Variants in SLC30A8 observed in about 807,000 individuals in gnomAD.
The protein encoded by SLC30A8 is solute carrier family 30 member 8, also known as proton-coupled zinc antiporter SLC30A8.
A neutral mutation model predicts 36.9 loss-of-function variants in SLC30A8; 27 were observed. The ratio of observed to expected loss-of-function variants is 0.73; its 90% CI spans 0.54 to 1.01. The LOEUF (loss-of-function observed/expected upper bound fraction) is 1.01. SLC30A8 is among the 50% of genes least tolerant of loss of function. SLC30A8 has a pLI of 0.00. For synonymous variants in SLC30A8, 164 were observed against 172.4 expected, an observed-to-expected ratio of 0.95 and a Z score of 0.38; for missense variants, 439 against 452.0, an observed-to-expected ratio of 0.97 and a Z score of 0.26.
chr8:117,020,094 G>A (rs953302049), intron 1 of SLC30A8, among the ~76,000 whole-genome samples: 29 of 152,170 alleles, frequency 1.9e-4, no homozygotes. Flanking sequence ...TAGGAGGAGA[G>A]GACTCTGTTG....
chr8:117,110,903 G>A (rs1197717366), intron 2 of SLC30A8, among the ~76,000 whole-genome samples: 1 of 152,144 alleles, frequency 6.6e-6, no homozygotes, highest in Middle Eastern at 3.2e-3. Flanking sequence ...GTTAGAGGCC[G>A]TCGGGTGATT....
chr8:117,058,557 C>T (rs1817938039), intron 2 of SLC30A8, among the ~76,000 whole-genome samples: 1 of 152,150 alleles, frequency 6.6e-6, no homozygotes, highest in Non-Finnish European at 1.5e-5. Flanking sequence ...TGGATGCTCA[C>T]ATTTCAGCAT....
chr8:117,042,555 G>A (rs16889355), intron 2 of SLC30A8, among the ~76,000 whole-genome samples: 8,572 of 152,152 alleles, frequency 0.056, 753 homozygotes, highest in African/African-American at 0.19. Flanking sequence ...CAAGGAAGCC[G>A]GTGCTGTTTT....
intron 2 of SLC30A8, among the ~76,000 whole-genome samples, chr8:117,114,030 C>T (rs1021141156): frequency 4.6e-5 from 7 of 151,938 alleles, no homozygotes; most frequent in African/African-American, 1.7e-4. Flanking sequence ...ATGAGACCTC[C>T]CAGATGTTGG....
chr8:117,072,387 T>C (rs542790236), intron 2 of SLC30A8, among the ~76,000 whole-genome samples: 2 of 152,330 alleles, frequency 1.3e-5, no homozygotes, highest in South Asian at 2.1e-4. Flanking sequence ...TATGCAGATA[T>C]AGTGAATACA....
intron 1 of SLC30A8, among the ~76,000 whole-genome samples, chr8:116,981,263 A>G (rs769154837): frequency 1.1e-4 from 16 of 152,134 alleles, no homozygotes; most frequent in South Asian, 2.1e-4. Context: ...TTGGTGCTCT[A>G]GAGAACCAGG....
At chr8:116,993,844 C>A (rs1815728362) in intron 1 of SLC30A8, among the ~76,000 whole-genome samples, 2 of 151,510 alleles carry the variant, frequency 1.3e-5, no homozygotes, top group South Asian at 4.2e-4. Flanking sequence ...AATAATAATA[C>A]AAAATTCATA....
intron 2 of SLC30A8, among the ~76,000 whole-genome samples, chr8:117,068,535 G>A (rs891242298): frequency 1.3e-5 from 2 of 152,168 alleles, no homozygotes; most frequent in Middle Eastern, 3.4e-3. Flanking sequence ...CTCCACATGT[G>A]TTGCCCATCT....
intron 1 of SLC30A8, among the ~76,000 whole-genome samples, chr8:117,038,003 C>T (rs746150665): frequency 3.3e-5 from 5 of 152,220 alleles, no homozygotes; most frequent in African/African-American, 9.6e-5. Context: ...TTAGAGAACA[C>T]GCAGAGGAAA....
chr8:116,965,884 ATT>A (rs528650121), intron 1 of SLC30A8, among the ~76,000 whole-genome samples: 12 of 138,830 alleles, frequency 8.6e-5, no homozygotes, highest in Non-Finnish European at 3.2e-5. Context: ...ATTTTTTTTA[ATT>A]TTTTTTTTTT....
intron 2 of SLC30A8, among the ~76,000 whole-genome samples, chr8:117,122,967 A>G (rs1426314320): frequency 6.6e-6 from 1 of 152,042 alleles, no homozygotes; most frequent in Non-Finnish European, 1.5e-5. Context: ...ATTAGAATAT[A>G]CACTGCACTG....
At chr8:117,117,120 A>T (rs1017040076) in intron 2 of SLC30A8, among the ~76,000 whole-genome samples, 1 of 151,956 alleles carries the variant, frequency 6.6e-6, no homozygotes, top group Admixed American at 6.6e-5. Context: ...AGAATAATTT[A>T]TCTTTATATG....
At chr8:117,112,073 C>T (rs182785466) in intron 2 of SLC30A8, among the ~76,000 whole-genome samples, 3 of 152,178 alleles carry the variant, frequency 2.0e-5, no homozygotes, top group Admixed American at 6.5e-5. Flanking sequence ...ACATTTCTTC[C>T]GTCTCTATTT....
chr8:117,135,373 A>G lies in SLC30A8; in HGVS notation c.46A>G (p.Lys16Glu), dbSNP rs558096588. Residue 16 changes from lysine to glutamate, a missense_variant, in exon 1 of 8, where the codon AAG becomes GAG. Coordinates refer to ENST00000456015, the MANE Select transcript of SLC30A8 (RefSeq NM_173851.3). Reference protein sequence around the residue: ...RTYLVNDKAAKMYAFTLESVE... With the variant: ...RTYLVNDKAAEMYAFTLESVE... ...GTATCTTGTGAATGATAAAGCTGCC[A>G]AGATGTATGCTTTCACACTAGAAAG... 6.2e-7 allele frequency: 1 copy of G among 1,601,800 alleles called. No homozygotes were observed. Among genetic ancestry groups the G allele is most frequent in the South Asian group, 1.1e-5 (1 of 88,558 alleles).
intron 1 of SLC30A8, among the ~76,000 whole-genome samples, chr8:116,976,919 C>T (rs1371514736): frequency 6.7e-6 from 1 of 149,374 alleles, no homozygotes; most frequent in Non-Finnish European, 1.5e-5. Context: ...TGGGTTCAAG[C>T]GATTCTCCTG....
intron 1 of SLC30A8, among the ~76,000 whole-genome samples, chr8:116,976,798 TTTTC>T (rs142957728): frequency 0.69 from 86,507 of 124,762 alleles, 29,946 homozygotes; most frequent in Non-Finnish European, 0.72. Flanking sequence ...CCCCTTTTAT[TTTTC>T]TTTCTTTCTT....
chr8:117,089,672 A>G (rs574988035), intron 2 of SLC30A8, among the ~76,000 whole-genome samples: 112 of 152,250 alleles, frequency 7.4e-4, no homozygotes, highest in African/African-American at 2.4e-3. Context: ...TGTATACTTA[A>G]CACTGCAGCC....
intron 1 of SLC30A8, among the ~76,000 whole-genome samples, chr8:116,974,455 A>G (rs1480853962): frequency 5.3e-5 from 8 of 152,252 alleles, no homozygotes; most frequent in Non-Finnish European, 1.2e-4. Context: ...ATCACTGGCC[A>G]TCAGAGAAAT....
At chr8:116,961,829 A>G (rs753216225) in intron 1 of SLC30A8, among the ~76,000 whole-genome samples, 6 of 151,850 alleles carry the variant, frequency 4.0e-5, no homozygotes, top group Non-Finnish European at 8.8e-5. Context: ...TAGTGGTACA[A>G]TCATAGCTCA....
Sources: gnomAD v4.1 joint callset for allele counts (sites outside exome capture counted in the v4.1 genomes callset) on GRCh38, gnomAD v4.1.1 for gene constraint, MANE v1.5 for transcripts, NCBI Gene and HGNC (gene_info 2026-07-23, HGNC 2026-07-21) for gene names.